The following COL14A1 variants were observed in gnomAD, a reference collection of about 807,000 sequenced individuals.
COL14A1 encodes collagen alpha-1(XIV) chain.
In COL14A1, 136 loss-of-function variants were observed where a neutral mutation model predicts 230.3. That is an observed-to-expected ratio of 0.59 (90% CI 0.51 to 0.68). The LOEUF (loss-of-function observed/expected upper bound fraction) is 0.68, where lower values mean the gene tolerates loss of function less well. Ranked by LOEUF, COL14A1 falls within the 30% of genes least tolerant of loss-of-function variation. The probability of loss-of-function intolerance (pLI) is 0.00; values close to 1 mark genes in which losing one functional copy is unlikely to be tolerated. For synonymous variants in COL14A1, 792 were observed against 784.1 expected (o/e 1.01, Z -0.17); for missense variants, 1,976 against 2,215.8 (o/e 0.89, Z 2.17).
intron 36 of COL14A1, among the ~76,000 whole-genome samples, chr8:120,302,552 G>A (rs1272969956): frequency 6.6e-6 from 1 of 151,932 alleles, no homozygotes; most frequent in Non-Finnish European, 1.5e-5. Flanking sequence ...ATGGTCATAG[G>A]TATGTTGTCT....
chr8:120,194,638 T>C (rs181436249), intron 5 of COL14A1, among the ~76,000 whole-genome samples: 119 of 152,290 alleles, frequency 7.8e-4, no homozygotes, highest in Non-Finnish European at 7.4e-4. Flanking sequence ...AAGTTATTTT[T>C]TAAACCAGAA....
At chr8:120,301,061 G>C (rs573759063) in intron 36 of COL14A1, among the ~76,000 whole-genome samples, 4 of 152,096 alleles carry the variant, frequency 2.6e-5, no homozygotes, top group Non-Finnish European at 4.4e-5. Flanking sequence ...TGTGTCATAC[G>C]ATGTCTCATA....
chr8:120,315,135 C>T (rs1042850960), intron 38 of COL14A1, among the ~76,000 whole-genome samples: 4 of 151,884 alleles, frequency 2.6e-5, no homozygotes, highest in East Asian at 1.9e-4. Context: ...TTTGGGAGGC[C>T]GAGGCAGGCA....
At chr8:120,189,934 A>G (rs13271009) in intron 5 of COL14A1, among the ~76,000 whole-genome samples, 91,836 of 149,524 alleles carry the variant, frequency 0.61, 28,352 homozygotes, top group Middle Eastern at 0.69. Context: ...GAATAGTGCC[A>G]CAATAAACAT....
At chr8:120,268,821 T>C (rs982719160) in intron 25 of COL14A1, among the ~76,000 whole-genome samples, 2 of 151,818 alleles carry the variant, frequency 1.3e-5, no homozygotes, top group African/African-American at 4.8e-5. Context: ...TATTTTTTAA[T>C]AGAATTTGCT....
At chr8:120,167,534 G>A (rs930428711) in intron 4 of COL14A1, among the ~76,000 whole-genome samples, 2 of 152,180 alleles carry the variant, frequency 1.3e-5, no homozygotes, top group African/African-American at 4.8e-5. Context: ...TTAAGCTAAT[G>A]GTGTAGGTTG....
intron 13 of COL14A1, chr8:120,214,020 G>A: frequency 2.9e-6 from 1 of 339,606 alleles, no homozygotes; most frequent in Non-Finnish European, 5.7e-6. Context: ...GAAAGAACTG[G>A]GCTTTGAGGT....
At chr8:120,327,247 A>C (rs182638004) in intron 40 of COL14A1, among the ~76,000 whole-genome samples, 11 of 152,276 alleles carry the variant, frequency 7.2e-5, no homozygotes, top group Middle Eastern at 3.4e-3. Context: ...GCTGACTGCT[A>C]ACCACTCATA....
intron 14 of COL14A1, among the ~76,000 whole-genome samples, chr8:120,216,910 C>A (rs1489040221): frequency 6.6e-6 from 1 of 152,158 alleles, no homozygotes; most frequent in Non-Finnish European, 1.5e-5. Context: ...GAAGCTGTAC[C>A]ACCATTAATG....
At chr8:120,175,048 A>C (rs1005687979) in intron 5 of COL14A1, among the ~76,000 whole-genome samples, 6 of 152,206 alleles carry the variant, frequency 3.9e-5, no homozygotes, top group Non-Finnish European at 1.5e-5. Flanking sequence ...AAGAGTCTAC[A>C]CTGATAGTGG....
At chr8:120,303,534 A>T (rs1027452633) in intron 36 of COL14A1, among the ~76,000 whole-genome samples, 1 of 152,170 alleles carries the variant, frequency 6.6e-6, no homozygotes, top group African/African-American at 2.4e-5. Flanking sequence ...GTGATGAATC[A>T]CATTTATTGA....
intron 23 of COL14A1, among the ~76,000 whole-genome samples, chr8:120,255,602 T>C (rs547780945): frequency 1.7e-4 from 26 of 152,338 alleles, no homozygotes; most frequent in Admixed American, 6.5e-4. Context: ...TTTAGAGTTC[T>C]GTGAAGATAA....
intron 26 of COL14A1, among the ~76,000 whole-genome samples, chr8:120,276,873 G>A (rs1426872315): frequency 6.6e-6 from 1 of 151,728 alleles, no homozygotes; most frequent in Non-Finnish European, 1.5e-5. Context: ...TATTAAAAAA[G>A]AGGAGAATAG....
chr8:120,364,151 C>A (rs1018006665), intron 45 of COL14A1, among the ~76,000 whole-genome samples: 1 of 151,994 alleles, frequency 6.6e-6, no homozygotes, highest in African/African-American at 2.4e-5. Context: ...CTGGTGACCC[C>A]ATCTCAGCAC....
chr8:120,223,365 T>C (rs1231914204), intron 14 of COL14A1, among the ~76,000 whole-genome samples: 1 of 152,164 alleles, frequency 6.6e-6, no homozygotes, highest in Admixed American at 6.6e-5. Flanking sequence ...TAGTCACTGA[T>C]AGTATCATAA....
chr8:120,197,767 A>G, intron 6 of COL14A1, 44 bp from the exon 7 acceptor site: 1 of 1,572,418 alleles, frequency 6.4e-7, no homozygotes, highest in South Asian at 1.2e-5. Flanking sequence ...TAGATTTTTG[A>G]GTAACCCATT....
intron 1 of COL14A1, among the ~76,000 whole-genome samples, chr8:120,125,848 A>C (rs761460187): frequency 2.6e-5 from 4 of 152,200 alleles, no homozygotes; most frequent in Non-Finnish European, 4.4e-5. Flanking sequence ...AAACTCACCC[A>C]GTCACCTGTT....
intron 1 of COL14A1, among the ~76,000 whole-genome samples, chr8:120,127,095 C>T (rs1216604040): frequency 6.6e-6 from 1 of 152,204 alleles, no homozygotes; most frequent in East Asian, 1.9e-4. Context: ...CCCCATTTCT[C>T]CCTAACCTGC....
At position 120,226,530 on chromosome 8, in the gene COL14A1, A is replaced by T. The variant is rs1358844035; in HGVS notation, c.1865-97A>T. ...TTCCTGTGCTTTCCTAAAGCAAAAGATTCCTCAAAGAGTCTTCTACACCCC... is the reference window on the plus strand; with the variant it reads ...TTCCTGTGCTTTCCTAAAGCAAAAGTTTCCTCAAAGAGTCTTCTACACCCC... On this transcript the variant is annotated intron_variant, in intron 15 of 47. Transcript: ENST00000297848. 3.1e-6 allele frequency: 4 copies of T among 1,299,592 alleles called. No individual in the cohort carries two copies. The East Asian group carries it at 9.4e-5, about 31-fold the overall frequency. The allele number at this position is 1,299,592 out of a possible 1,614,324, so 80.5% of individuals were successfully genotyped here.
Sources: gnomAD v4.1 joint callset for allele counts (sites outside exome capture counted in the v4.1 genomes callset) on GRCh38, gnomAD v4.1.1 for gene constraint, MANE v1.5 for transcripts, NCBI Gene and HGNC (gene_info 2026-07-23, HGNC 2026-07-21) for gene names.